The following MCF2L2 variants were observed in gnomAD, a reference collection of about 807,000 sequenced individuals.
MCF2L2 encodes probable guanine nucleotide exchange factor MCF2L2.
Under a neutral mutation model 150.2 loss-of-function variants are expected in MCF2L2, and 102 were observed. The observed-to-expected ratio is 0.68, with a 90% CI of 0.58 to 0.80. The LOEUF is 0.80. MCF2L2 is among the 30% of genes least tolerant of loss of function. MCF2L2 has a pLI of 0.00. For missense variants in MCF2L2, 1,256 were observed against 1,372.8 expected (o/e 0.91, Z 1.34); for synonymous variants, 465 against 491.3 (o/e 0.95, Z 0.71).
intron 3 of MCF2L2, chr3:183,372,549 G>T (rs79422748): frequency 1.3e-5 from 2 of 151,978 alleles, no homozygotes; most frequent in East Asian, 3.9e-4. Flanking sequence ...AAAATTAACC[G>T]GGCATGGTGT....
chr3:183,262,399 G>A (rs1725694993), intron 15 of MCF2L2, among the ~76,000 whole-genome samples: 4 of 152,076 alleles, frequency 2.6e-5, no homozygotes, highest in Admixed American at 2.6e-4. Context: ...CAGGGTTGGA[G>A]CCTGTCTTGG....
At chr3:183,277,105 TC>T in intron 14 of MCF2L2, 148 bp from the exon 15 acceptor site, 1 of 614,892 alleles carries the variant, frequency 1.6e-6, no homozygotes, top group South Asian at 2.1e-5. Flanking sequence ...TCTCAGGTTT[TC>T]CCCAGCCACT....
intron 25 of MCF2L2, among the ~76,000 whole-genome samples, chr3:183,202,941 G>A (rs1385701139): frequency 6.6e-6 from 1 of 152,226 alleles, no homozygotes; most frequent in Non-Finnish European, 1.5e-5. Flanking sequence ...AGGTGCAGTG[G>A]CTCATGCCTG....
intron 27 of MCF2L2, among the ~76,000 whole-genome samples, chr3:183,189,437 G>A (rs1721802964): frequency 6.6e-6 from 1 of 152,180 alleles, no homozygotes; most frequent in African/African-American, 2.4e-5. Context: ...TCTTGGAAAG[G>A]GCAAACATTG....
intron 3 of MCF2L2, among the ~76,000 whole-genome samples, chr3:183,360,953 A>C (rs1050918668): frequency 1.6e-5 from 2 of 121,626 alleles, no homozygotes; most frequent in Non-Finnish European, 3.4e-5. Flanking sequence ...GAAGAGTGAA[A>C]CTCAGAAAAG....
intron 25 of MCF2L2, among the ~76,000 whole-genome samples, chr3:183,195,506 T>C (rs1431479597): frequency 1.3e-5 from 2 of 152,182 alleles, no homozygotes; most frequent in Admixed American, 6.5e-5. Flanking sequence ...GCATTGGTTC[T>C]GGGTCTGTCC....
At chr3:183,275,548 G>A (rs1325957438) in intron 15 of MCF2L2, among the ~76,000 whole-genome samples, 1 of 152,312 alleles carries the variant, frequency 6.6e-6, no homozygotes, top group African/African-American at 2.4e-5. Flanking sequence ...GTTGAGTGCT[G>A]TAACTTTATT....
chr3:183,263,131 A>C (rs1238613424), intron 15 of MCF2L2, among the ~76,000 whole-genome samples: 2 of 152,128 alleles, frequency 1.3e-5, no homozygotes, highest in Admixed American at 1.3e-4. Flanking sequence ...GAGGTCTCAG[A>C]AGAAATGCAG....
chr3:183,407,557 T>G (rs1333688260), intron 1 of MCF2L2, among the ~76,000 whole-genome samples: 1 of 152,212 alleles, frequency 6.6e-6, no homozygotes, highest in African/African-American at 2.4e-5. Context: ...CCTCCCTCTT[T>G]CTTCTGCTTC....
intron 22 of MCF2L2, among the ~76,000 whole-genome samples, chr3:183,208,679 C>G (rs1477563516): frequency 6.6e-6 from 1 of 152,078 alleles, no homozygotes; most frequent in Non-Finnish European, 1.5e-5. Context: ...AATAAAAACA[C>G]CAAAAGGAAC....
chr3:183,307,549 G>A (rs1368643701), intron 10 of MCF2L2, among the ~76,000 whole-genome samples: 1 of 152,206 alleles, frequency 6.6e-6, no homozygotes, highest in Non-Finnish European at 1.5e-5. Context: ...CTTCAAGAAT[G>A]TTGCCCACGA....
rs1216050258 is a variant in MCF2L2, at chr3:183,283,324, A to G, written c.1776+5796T>C. Among the ~76,000 whole-genome samples, 1 of 152,156 alleles carries G rather than the reference A, an allele frequency of 6.6e-6. No homozygotes were observed. The highest frequency in any genetic ancestry group is 2.4e-5 in the African/African-American group (1 of 41,432). ...CTGCTCTTTACTGTCTACCAGAGTC[A>G]GCTTCGTAATACACAGGTGCCCTCC... On this transcript the variant is annotated intron_variant, in intron 14 of 29. Transcript: ENST00000328913. The surrounding 1 kb of genome is among the most constrained non-coding windows in gnomAD (Gnocchi z 4.2).
chr3:183,206,907 A>C (rs1373116057), intron 23 of MCF2L2, among the ~76,000 whole-genome samples: 6 of 145,754 alleles, frequency 4.1e-5, no homozygotes, highest in Non-Finnish European at 9.0e-5. Context: ...GAAAGACAGA[A>C]AGAAAGAAAG....
intron 27 of MCF2L2, among the ~76,000 whole-genome samples, chr3:183,185,919 G>A (rs757642756): frequency 5.3e-5 from 8 of 150,466 alleles, no homozygotes; most frequent in African/African-American, 1.7e-4. Context: ...TTTTTTTCCC[G>A]TGCATTTCTG....
At chr3:183,259,209 A>C (rs1209000991) in intron 15 of MCF2L2, among the ~76,000 whole-genome samples, 1 of 152,204 alleles carries the variant, frequency 6.6e-6, no homozygotes, top group Non-Finnish European at 1.5e-5. Flanking sequence ...CCAGCCTAAC[A>C]AATCTCAAGA....
chr3:183,418,924 A>C (rs1715733985), intron 1 of MCF2L2, among the ~76,000 whole-genome samples: 1 of 152,342 alleles, frequency 6.6e-6, no homozygotes, highest in East Asian at 1.9e-4. Flanking sequence ...TCACAGCTTC[A>C]CTAGGCAGTT....
intron 7 of MCF2L2, among the ~76,000 whole-genome samples, chr3:183,315,118 G>A (rs537714337): frequency 6.7e-6 from 1 of 150,160 alleles, no homozygotes; most frequent in African/African-American, 2.5e-5. Flanking sequence ...TGTATTTTTA[G>A]TAGAGATGGG....
At chr3:183,349,999 T>C (rs1420857328) in intron 3 of MCF2L2, among the ~76,000 whole-genome samples, 1 of 152,188 alleles carries the variant, frequency 6.6e-6, no homozygotes, top group Non-Finnish European at 1.5e-5. Context: ...ACACAGGCTA[T>C]TCTTTCACCT....
intron 3 of MCF2L2, among the ~76,000 whole-genome samples, chr3:183,345,198 A>C (rs755964672): frequency 6.6e-6 from 1 of 152,228 alleles, no homozygotes; most frequent in Non-Finnish European, 1.5e-5. Flanking sequence ...ATGTAAAAGA[A>C]TGGGAATCAT....
Sources: gnomAD v4.1 joint callset for allele counts (sites outside exome capture counted in the v4.1 genomes callset) on GRCh38, gnomAD v4.1.1 for gene constraint, Gnocchi (gnomAD v3.1) non-coding constraint, MANE v1.5 for transcripts, NCBI Gene and HGNC (gene_info 2026-07-23, HGNC 2026-07-21) for gene names.